SHANK2: variants seen among roughly 807,000 people sequenced by gnomAD.
SHANK2 encodes SH3 and multiple ankyrin repeat domains 2.
In SHANK2, 43 loss-of-function variants were observed where a neutral mutation model predicts 133.7. That is an observed-to-expected ratio of 0.32 (90% CI 0.25 to 0.41). The LOEUF (loss-of-function observed/expected upper bound fraction) is 0.41. Among genes scored for constraint, SHANK2 ranks in the 10% least tolerant of loss-of-function variants. The pLI, the probability that SHANK2 is intolerant of heterozygous loss-of-function variation, is 1.00. For synonymous variants in SHANK2, 1,017 were observed against 952.8 expected (o/e 1.07, Z -1.24); for missense variants, 1,994 against 2,235.8 (o/e 0.89, Z 2.18).
At chr11:70,481,782 C>T (rs1565523333) in intron 25 of SHANK2, among the ~76,000 whole-genome samples, 1 of 152,226 alleles carries the variant, frequency 6.6e-6, no homozygotes, top group African/African-American at 2.4e-5. Flanking sequence ...GTCGCCCAGG[C>T]GGTGAACTCA....
At chr11:71,228,491 C>T (rs1276731302) in intron 1 of SHANK2, among the ~76,000 whole-genome samples, 1 of 152,196 alleles carries the variant, frequency 6.6e-6, no homozygotes, top group East Asian at 1.9e-4. Context: ...GGTATGGTGG[C>T]TCATGCCTGT....
At chr11:70,948,370 G>T (rs940733522) in intron 10 of SHANK2, 6 of 457,124 alleles carry the variant, frequency 1.3e-5, no homozygotes, top group African/African-American at 1.2e-4. Flanking sequence ...AGAAGACAGC[G>T]TGGCTCTTAC....
intron 17 of SHANK2, among the ~76,000 whole-genome samples, chr11:70,656,809 T>C (rs1555011749): frequency 6.6e-6 from 1 of 152,128 alleles, no homozygotes; most frequent in Non-Finnish European, 1.5e-5. Context: ...TTGTGGTTGG[T>C]AGGGTCAGGG....
At chr11:70,853,296 C>T (rs1326563797) in intron 11 of SHANK2, among the ~76,000 whole-genome samples, 1 of 152,200 alleles carries the variant, frequency 6.6e-6, no homozygotes, top group Non-Finnish European at 1.5e-5. Flanking sequence ...GCGCCTCCCA[C>T]GGGCCCTGGA....
intron 2 of SHANK2, among the ~76,000 whole-genome samples, chr11:71,214,145 C>T (rs1186831991): frequency 6.6e-6 from 1 of 152,182 alleles, no homozygotes; most frequent in Non-Finnish European, 1.5e-5. Context: ...CTCCCACCTC[C>T]TGCCTCCTGA....
intron 11 of SHANK2, among the ~76,000 whole-genome samples, chr11:70,883,567 G>C: frequency 6.6e-6 from 1 of 152,168 alleles, no homozygotes; most frequent in African/African-American, 2.4e-5. Context: ...GAGAACAAAG[G>C]GGGCTGGGAA....
intron 9 of SHANK2, among the ~76,000 whole-genome samples, chr11:71,073,155 TC>T (rs1444142687): frequency 0.51 from 39,716 of 77,294 alleles, 15,858 homozygotes; most frequent in Non-Finnish European, 0.66. Context: ...TTCTTTTTTT[TC>T]TTTTTTTTCT....
At chr11:70,631,404 A>ACACC (rs1427488425) in intron 17 of SHANK2, among the ~76,000 whole-genome samples, 136 of 149,390 alleles carry the variant, frequency 9.1e-4, no homozygotes, top group African/African-American at 2.2e-3. Context: ...ACACACACAC[A>ACACC]CACACCCACA....
chr11:70,645,585 G>A (rs2061248795), intron 17 of SHANK2, among the ~76,000 whole-genome samples: 1 of 152,188 alleles, frequency 6.6e-6, no homozygotes, highest in African/African-American at 2.4e-5. Flanking sequence ...CCCCACACGG[G>A]TGCTGCCGAG....
chr11:71,203,168 G>A (rs1954053572), intron 2 of SHANK2, among the ~76,000 whole-genome samples: 1 of 152,130 alleles, frequency 6.6e-6, no homozygotes, highest in Admixed American at 6.5e-5. Context: ...TCTGTGAGGG[G>A]GAGGCGCAGG....
chr11:70,817,104 T>A (rs138543217), intron 12 of SHANK2, among the ~76,000 whole-genome samples: 250 of 152,252 alleles, frequency 1.6e-3, no homozygotes, highest in Non-Finnish European at 2.5e-3. Context: ...CCCACCCTCA[T>A]CCCAGGGGAC....
intron 11 of SHANK2, chr11:70,865,102 T>G (rs1455022676): frequency 6.6e-6 from 1 of 152,178 alleles, no homozygotes; most frequent in African/African-American, 2.4e-5. Context: ...GAAATAAATA[T>G]GTATTTTTTA....
At chr11:70,488,405 C>T (rs906434508) in intron 24 of SHANK2, among the ~76,000 whole-genome samples, 2 of 152,296 alleles carry the variant, frequency 1.3e-5, no homozygotes, top group African/African-American at 2.4e-5. Flanking sequence ...TGGCTCTGTG[C>T]GTGCTGGGAG....
intron 2 of SHANK2, among the ~76,000 whole-genome samples, chr11:71,215,612 G>A (rs775072008): frequency 2.2e-4 from 33 of 152,132 alleles, no homozygotes; most frequent in African/African-American, 6.8e-4. Context: ...ACTGTTCCCC[G>A]AGGAGGTGTC....
chr11:70,798,418 G>A (rs906873720), intron 14 of SHANK2, 25 bp downstream of exon 14: 23 of 716,840 alleles, frequency 3.2e-5, no homozygotes, highest in Non-Finnish European at 4.7e-5. Context: ...GATCGAGGGT[G>A]GGCGGCCACG....
At position 70,804,894 on chromosome 11, in the gene SHANK2, T is replaced by C. The variant is rs1213820955; in HGVS notation, c.1663+2108A>G. ...CCCCTCTCCCTTGAGCTCCTGCTCA[T>C]CCATGCTGCTACTCAGGGTCCCCTC... On this transcript the variant is annotated intron_variant, in intron 13 of 25. Transcript: ENST00000601538. This position sits in a 1 kb window ranked among gnomAD's most constrained non-coding sequence, Gnocchi z 4.1. Among the ~76,000 whole-genome samples the C allele has an allele frequency of 6.6e-6, 1 of 152,156 alleles. No individual in the cohort carries two copies. Among genetic ancestry groups the C allele is most frequent in the Non-Finnish European group, 1.5e-5 (1 of 68,008 alleles).
chr11:71,101,685 G>A (rs1044975040), intron 6 of SHANK2, among the ~76,000 whole-genome samples: 7 of 152,196 alleles, frequency 4.6e-5, no homozygotes, highest in African/African-American at 9.6e-5. Flanking sequence ...AGCATGAACC[G>A]TCAGTCACTG....
At chr11:70,717,878 T>C (rs1565265954) in intron 14 of SHANK2, among the ~76,000 whole-genome samples, 1 of 151,390 alleles carries the variant, frequency 6.6e-6, no homozygotes, top group African/African-American at 2.4e-5. Context: ...AAAAATCAGA[T>C]GAAGAAGAAA....
Position 70,585,146 on chromosome 11 carries a change from A to G in SHANK2, c.2061+74682T>C, listed in dbSNP as rs529393738. 2.0e-4 allele frequency among the ~76,000 whole-genome samples: 31 copies of G among 152,338 alleles called. No homozygotes were observed. The South Asian group carries it at 6.4e-3, about 32-fold the overall frequency. On this transcript the variant is annotated intron_variant, in intron 17 of 25. Transcript: ENST00000601538. Reference sequence around the variant, plus strand: ...GCACGCCCACTCTGGCTCAAGGGAAATGGTGCCAGGCTCTGGGCCCTGGGA... The same window carrying G: ...GCACGCCCACTCTGGCTCAAGGGAAGTGGTGCCAGGCTCTGGGCCCTGGGA...
Sources: allele counts gnomAD v4.1 joint callset (sites outside exome capture counted in the v4.1 genomes callset), GRCh38; gene constraint gnomAD v4.1.1; non-coding constraint Gnocchi (gnomAD v3.1); transcripts MANE v1.5; gene names NCBI Gene and HGNC (gene_info 2026-07-23, HGNC 2026-07-21).